Variants in TSPAN5 observed in about 807,000 individuals in gnomAD.
The protein encoded by TSPAN5 is tetraspanin-5.
TSPAN5 carries 10 observed loss-of-function variants against 37.1 expected under a neutral mutation model. That is an observed-to-expected ratio of 0.27 (90% CI 0.17 to 0.46). The LOEUF is 0.46. Ranked by LOEUF, TSPAN5 falls within the 20% of genes least tolerant of loss-of-function variation. TSPAN5 has a pLI of 1.00. For synonymous variants in TSPAN5, 110 were observed against 118.9 expected, an observed-to-expected ratio of 0.93 and a Z score of 0.48; for missense variants, 195 against 326.6, an observed-to-expected ratio of 0.60 and a Z score of 3.11.
intron 1 of TSPAN5, among the ~76,000 whole-genome samples, chr4:98,592,203 G>C (rs1476011640): frequency 6.7e-6 from 1 of 149,330 alleles, no homozygotes; most frequent in Non-Finnish European, 1.5e-5. Flanking sequence ...TAATTTGAAA[G>C]AGTTCAGAGA....
intron 1 of TSPAN5, among the ~76,000 whole-genome samples, chr4:98,527,278 G>A (rs746794467): frequency 6.6e-6 from 1 of 152,190 alleles, no homozygotes; most frequent in Non-Finnish European, 1.5e-5. Flanking sequence ...TGGGCTTTAG[G>A]AATATTAATC....
At chr4:98,585,161 G>C (rs1482259466) in intron 1 of TSPAN5, among the ~76,000 whole-genome samples, 2 of 152,288 alleles carry the variant, frequency 1.3e-5, no homozygotes, top group African/African-American at 4.8e-5. Context: ...GGGGGTACAA[G>C]TGCATATTTT....
Position 98,597,971 on chromosome 4 carries a change from C to G in TSPAN5, c.81+60175G>C, listed in dbSNP as rs57088609. 8.8e-4 allele frequency among the ~76,000 whole-genome samples: 91 copies of G among 103,098 alleles called. 3 individuals are homozygous for G. The highest frequency in any genetic ancestry group is 1.0e-3 in the Non-Finnish European group (55 of 54,408). 67.6% of individuals were successfully genotyped at this position (103,098 alleles called of 152,430 possible). Reference sequence around the variant, plus strand: ...GAGCTGTGGTGGGCTCCACCCAGTTCGAGCTTACTGGCTGCTTTGTTTACC... The same window carrying G: ...GAGCTGTGGTGGGCTCCACCCAGTTGGAGCTTACTGGCTGCTTTGTTTACC... On this transcript the variant is annotated intron_variant, in intron 1 of 7. Coordinates refer to ENST00000305798, the MANE Select transcript of TSPAN5 (RefSeq NM_005723.4).
At chr4:98,630,880 G>C (rs1275606594) in intron 1 of TSPAN5, among the ~76,000 whole-genome samples, 1 of 152,172 alleles carries the variant, frequency 6.6e-6, no homozygotes, top group Non-Finnish European at 1.5e-5. Flanking sequence ...TAGCGAATGA[G>C]AGTTCACTGG....
At chr4:98,657,929 C>T (rs1326750811) in intron 1 of TSPAN5, among the ~76,000 whole-genome samples, 1 of 152,186 alleles carries the variant, frequency 6.6e-6, no homozygotes, top group African/African-American at 2.4e-5. Context: ...GCCCCCTTTC[C>T]GCCTCGATTT....
At chr4:98,617,274 G>C (rs1204525898) in intron 1 of TSPAN5, among the ~76,000 whole-genome samples, 3 of 152,096 alleles carry the variant, frequency 2.0e-5, no homozygotes, top group Non-Finnish European at 4.4e-5. Context: ...TCACATCTAT[G>C]GTATCATCTA....
intron 1 of TSPAN5, among the ~76,000 whole-genome samples, chr4:98,633,213 G>A (rs1037796929): frequency 1.3e-5 from 2 of 152,164 alleles, no homozygotes; most frequent in Non-Finnish European, 2.9e-5. Flanking sequence ...ATGCCTTAGG[G>A]TGGCCTTGTA....
At chr4:98,586,422 G>C (rs1755485616) in intron 1 of TSPAN5, among the ~76,000 whole-genome samples, 1 of 152,004 alleles carries the variant, frequency 6.6e-6, no homozygotes, top group Non-Finnish European at 1.5e-5. Flanking sequence ...TGTAATTTCT[G>C]AGCCAGGGCA....
At chr4:98,485,459 C>G (rs1408662724) in intron 3 of TSPAN5, 1 of 152,236 alleles carries the variant, frequency 6.6e-6, no homozygotes, top group Non-Finnish European at 1.5e-5. Flanking sequence ...TCTTAGGAAA[C>G]TAGCTACAGC....
intron 1 of TSPAN5, among the ~76,000 whole-genome samples, chr4:98,621,399 G>C (rs935607326): frequency 3.9e-5 from 5 of 128,756 alleles, no homozygotes; most frequent in Non-Finnish European, 4.7e-5. Context: ...ACAGAGTCTC[G>C]CTCTGTCTCC....
chr4:98,491,514 C>T (rs1359980500), intron 2 of TSPAN5, among the ~76,000 whole-genome samples: 1 of 152,028 alleles, frequency 6.6e-6, no homozygotes, highest in Non-Finnish European at 1.5e-5. Flanking sequence ...ACAGTGAAAC[C>T]CAGTCTCAAC....
intron 1 of TSPAN5, 102 bp downstream of exon 1, chr4:98,658,043 CG>C: frequency 2.0e-6 from 2 of 1,024,764 alleles, no homozygotes; most frequent in Non-Finnish European, 3.1e-6. Flanking sequence ...CTCCGGCAAG[CG>C]CCTGCGGGGC....
chr4:98,577,270 G>A (rs1755260897), intron 1 of TSPAN5, among the ~76,000 whole-genome samples: 1 of 152,130 alleles, frequency 6.6e-6, no homozygotes, highest in Non-Finnish European at 1.5e-5. Flanking sequence ...TTATATTAAA[G>A]TTTTGTGAAG....
intron 1 of TSPAN5, among the ~76,000 whole-genome samples, chr4:98,521,082 C>T (rs1269242169): frequency 6.6e-6 from 1 of 152,152 alleles, no homozygotes; most frequent in Non-Finnish European, 1.5e-5. Context: ...CAGGTGCGTG[C>T]CACCACGCCT....
intron 2 of TSPAN5, among the ~76,000 whole-genome samples, chr4:98,498,893 C>G (rs6532739): frequency 0.29 from 44,279 of 151,974 alleles, 7,641 homozygotes; most frequent in African/African-American, 0.48. Flanking sequence ...GTTCTGGGGG[C>G]ACTGACCTCG....
chr4:98,626,886 GTTTTTTT>G (rs34770397), intron 1 of TSPAN5, among the ~76,000 whole-genome samples: 33 of 83,484 alleles, frequency 4.0e-4, no homozygotes, highest in Non-Finnish European at 5.4e-4. Context: ...ATGAGAGCAG[GTTTTTTT>G]TTTTTTTTTT....
chr4:98,609,957 C>T (rs926750374), intron 1 of TSPAN5, among the ~76,000 whole-genome samples: 9 of 152,200 alleles, frequency 5.9e-5, no homozygotes, highest in African/African-American at 2.2e-4. Context: ...AGCAGGAGGG[C>T]TCCTCATTTA....
chr4:98,583,739 A>C (rs1466055102), intron 1 of TSPAN5, among the ~76,000 whole-genome samples: 1 of 152,208 alleles, frequency 6.6e-6, no homozygotes. Flanking sequence ...CTCATGGGTG[A>C]TTTGGGAATA....
chr4:98,480,332 G>A (rs1752811030), intron 4 of TSPAN5, among the ~76,000 whole-genome samples: 1 of 152,052 alleles, frequency 6.6e-6, no homozygotes, highest in African/African-American at 2.4e-5. Context: ...CATCATATTT[G>A]TTTCTACTCT....
Sources: gnomAD v4.1 joint callset for allele counts (sites outside exome capture counted in the v4.1 genomes callset) on GRCh38, gnomAD v4.1.1 for gene constraint, MANE v1.5 for transcripts, NCBI Gene and HGNC (gene_info 2026-07-23, HGNC 2026-07-21) for gene names.